The following EHMT2 variants were observed in gnomAD, a reference collection of about 807,000 sequenced individuals.
EHMT2 encodes the protein euchromatic histone lysine methyltransferase 2.
A neutral mutation model predicts 143.3 loss-of-function variants in EHMT2; 59 were observed. That is an observed-to-expected ratio of 0.41 (90% CI 0.33 to 0.51). EHMT2 has a LOEUF of 0.51. Among genes scored for constraint, EHMT2 ranks in the 20% least tolerant of loss-of-function variants. EHMT2 has a pLI of 0.18. For synonymous variants in EHMT2, 604 were observed against 651.5 expected (o/e 0.93, Z 1.11); for missense variants, 1,174 against 1,645.9 (o/e 0.71, Z 4.96).
rs757464609 is a variant in EHMT2, at chr6:31,888,489, G to A, written c.1383C>T (p.Ala461=). The change falls in exon 12 of 28, where the codon GCC becomes GCT. Residue 461 remains alanine (A), a synonymous_variant. Transcript: ENST00000375537. The surrounding 1 kb of genome is among the most constrained non-coding windows in gnomAD (Gnocchi z 7.4). Reference sequence around the variant, plus strand: ...TCATGGTCTCCCGCTTGAGGATGGCGGCATTGCAGCCTGACAGCTGTGCGC... The same window carrying A: ...TCATGGTCTCCCGCTTGAGGATGGCAGCATTGCAGCCTGACAGCTGTGCGC... The A allele has an allele frequency of 2.5e-5, 40 of 1,612,480 alleles. No homozygotes were observed. The highest frequency in any genetic ancestry group is 9.9e-5 in the South Asian group (9 of 91,002).
Position 31,884,151 on chromosome 6 carries a change from G to A in EHMT2, c.2772-201C>T. 1 of 711,248 alleles carries A rather than the reference G, an allele frequency of 1.4e-6. No homozygotes were observed. 44.1% of individuals were successfully genotyped at this position (711,248 alleles called of 1,614,324 possible). A position where few individuals can be genotyped will look rare whatever the true frequency, so the allele number is the denominator to read the frequency against. Reference sequence around the variant, plus strand: ...TTTAGTATGTCCCAAAAATTACACAGGACATTCTCACACTAAAAAAGTATG... The same window carrying A: ...TTTAGTATGTCCCAAAAATTACACAAGACATTCTCACACTAAAAAAGTATG... On this transcript the variant is annotated intron_variant, in intron 21 of 27. Transcript: ENST00000375537. The surrounding 1 kb of genome is among the most constrained non-coding windows in gnomAD (Gnocchi z 7.3).
In EHMT2 at chr6:31,888,590, C is replaced by T. The variant is rs765560452; in HGVS notation, c.1365+9G>A. ...CCCTGGCACCTCTCCCACCAGCCCA[C>T]GGCCCCACCTCTCCGTCCACACTCT... On this transcript the variant is annotated intron_variant, in intron 11 of 27. Transcript: ENST00000375537. The surrounding 1 kb of genome is among the most constrained non-coding windows in gnomAD (Gnocchi z 7.4). The T allele has an allele frequency of 1.4e-5, 23 of 1,611,382 alleles. No homozygotes were observed. Among genetic ancestry groups the T allele is most frequent in the South Asian group, 3.3e-5 (3 of 90,966 alleles).
In EHMT2 at chr6:31,881,309, G is replaced by T. The variant is rs569512677; in HGVS notation, c.3198-217C>A. On this transcript the variant is annotated intron_variant, in intron 25 of 27. Coordinates refer to ENST00000375537, the Ensembl canonical transcript of EHMT2. The surrounding 1 kb of genome is among the most constrained non-coding windows in gnomAD (Gnocchi z 4.8). Reference sequence around the variant, plus strand: ...CAGTCAGCACAGAGACAGACAACAAGCTCTGTGGTTAAGGGGATTAATGTG... The same window carrying T: ...CAGTCAGCACAGAGACAGACAACAATCTCTGTGGTTAAGGGGATTAATGTG... 1.1e-5 allele frequency: 7 copies of T among 615,962 alleles called. No homozygotes were observed. In the Admixed American group the frequency reaches 1.3e-4, roughly 12 times the overall value. 38.2% of individuals were successfully genotyped at this position (615,962 alleles called of 1,614,324 possible).
intron 4 of EHMT2, chr6:31,893,509 TAGAGA>T (rs1009709699): frequency 6.2e-6 from 2 of 323,542 alleles, no homozygotes; most frequent in Middle Eastern, 1.1e-3. Context: ...TTTTTTTTGG[TAGAGA>T]AGAGGTCTTG....
At chr6:31,896,577 C>T in intron 3 of EHMT2, 29 bp downstream of exon 3, 1 of 1,590,908 alleles carries the variant, frequency 6.3e-7, no homozygotes, top group Non-Finnish European at 8.6e-7. Flanking sequence ...AAATTTCCCA[C>T]CAACCCCCCA....
In EHMT2 at chr6:31,884,668, CCG is replaced by C; in HGVS notation, c.2578_2579del (p.Arg860GlyfsTer5). The C allele has an allele frequency of 6.3e-7, 1 of 1,580,884 alleles. No individual in the cohort carries two copies. The highest frequency in any genetic ancestry group is 8.6e-7 in the Non-Finnish European group (1 of 1,160,000). On this transcript the variant is annotated frameshift_variant, in exon 20 of 28. Transcript: ENST00000375537. LOFTEE classifies it high-confidence loss of function. The surrounding 1 kb of genome is among the most constrained non-coding windows in gnomAD (Gnocchi z 7.3). ...ACAGCACGCAGTCATGGTAGCTCTCCCGAGCTGCGATGTGCAGGGGGGTGTCC... is the reference window on the plus strand; with the variant it reads ...ACAGCACGCAGTCATGGTAGCTCTCCAGCTGCGATGTGCAGGGGGGTGTCC...
Position 31,889,417 on chromosome 6 carries a change from C to G in EHMT2, c.999+51G>C. ...CCCCAACACCTTCAGGACCAGACCT[C>G]CAGCCCCATAGTCTCCCACTCCTCT... On this transcript the variant is annotated intron_variant, in intron 8 of 27. Transcript: ENST00000375537. The surrounding 1 kb of genome is among the most constrained non-coding windows in gnomAD (Gnocchi z 5.1). 2 of 1,608,884 alleles carry G rather than the reference C, an allele frequency of 1.2e-6. No individual in the cohort carries two copies. Among genetic ancestry groups the G allele is most frequent in the Non-Finnish European group, 1.7e-6 (2 of 1,177,704 alleles).
chr6:31,897,464 C>A (rs1766710144), intron 1 of EHMT2, among the ~76,000 whole-genome samples, 172 bp downstream of exon 1: 1 of 150,374 alleles, frequency 6.7e-6, no homozygotes, highest in African/African-American at 2.4e-5. Context: ...CCACTCCCCC[C>A]ACCTCCCACA....
In EHMT2 at chr6:31,892,479, C is replaced by T. The variant is rs151312506; in HGVS notation, c.792G>A (p.Thr264=). The change falls in exon 7 of 28, where the codon ACG becomes ACA. Residue 264 remains threonine, a synonymous_variant. Transcript: ENST00000375537. ...AGAGACTGAAGTCATCACCCACCAC[C>T]GTCTCCCACTCCTCCAGGGACCCGG... 1.2e-3 allele frequency: 1,950 copies of T among 1,613,000 alleles called. 23 individuals are homozygous for T. In the African/African-American group the frequency reaches 0.02, roughly 17 times the overall value.
rs1764067570 is a variant in EHMT2 at position 31,881,254 on chromosome 6, C to G, written c.3198-162G>C. Reference sequence around the variant, plus strand: ...CAGCAGTGGTGGGCAAGTGAAAGGGCAGCATTCCAGCCTTGACAGAGGAAG... The same window carrying G: ...CAGCAGTGGTGGGCAAGTGAAAGGGGAGCATTCCAGCCTTGACAGAGGAAG... On this transcript the variant is annotated intron_variant, in intron 25 of 27. Transcript: ENST00000375537. The surrounding 1 kb of genome is among the most constrained non-coding windows in gnomAD (Gnocchi z 4.8). 1.5e-6 allele frequency: 1 copy of G among 677,950 alleles called. No homozygotes were observed. Among genetic ancestry groups the G allele is most frequent in the African/African-American group, 1.8e-5 (1 of 56,682 alleles). The allele number at this position is 677,950 out of a possible 1,614,324, so 42.0% of individuals were successfully genotyped here. A position where few individuals can be genotyped will look rare whatever the true frequency, so the allele number is the denominator to read the frequency against.
chr6:31,880,946 C>G lies in EHMT2; in HGVS notation c.3276+68G>C. On this transcript the variant is annotated intron_variant, in intron 26 of 27. Transcript: ENST00000375537. The surrounding 1 kb of genome is among the most constrained non-coding windows in gnomAD (Gnocchi z 6.6). The stretch of plus-strand genomic sequence containing the variant: ...TCCCTCCTCCCCAGGTTTCCATTTG[C>G]TGACTTCCCAGAGGCTCCTGAAAGC... The G allele has an allele frequency of 6.2e-7, 1 of 1,609,340 alleles. No homozygotes were observed. Among genetic ancestry groups the G allele is most frequent in the Non-Finnish European group, 8.5e-7 (1 of 1,176,896 alleles).
At position 31,888,090 on chromosome 6, in the gene EHMT2, G is replaced by A; in HGVS notation, c.1696C>T (p.Pro566Ser). ...CCGGGGACATCCTGGGACAGGGGTGGGGGTGCAGGAGCTGCAGTGCCGGCC... is the reference window on the plus strand; with the variant it reads ...CCGGGGACATCCTGGGACAGGGGTGAGGGTGCAGGAGCTGCAGTGCCGGCC... Residue 566 changes from proline to serine, a missense_variant, in exon 13 of 28, where the codon CCA (proline) becomes TCA (serine). This residue lies in a region of EHMT2 where 608 missense variants were observed against 903.7 expected (regional missense o/e 0.67). Coordinates refer to ENST00000375537, the Ensembl canonical transcript of EHMT2. This position sits in a 1 kb window ranked among gnomAD's most constrained non-coding sequence, Gnocchi z 7.4. The A allele has an allele frequency of 6.2e-7, 1 of 1,608,696 alleles. No homozygotes were observed. Among genetic ancestry groups the A allele is most frequent in the Non-Finnish European group, 8.5e-7 (1 of 1,177,958 alleles).
In EHMT2 at chr6:31,880,023, T is replaced by G; in HGVS notation, c.*61A>C. Reference sequence around the variant, plus strand: ...CCAGGCATGGGCTGCGAGCAGCTGGTGGCAGAGGAGGCGGCTGAGCTGTGG... The same window carrying G: ...CCAGGCATGGGCTGCGAGCAGCTGGGGGCAGAGGAGGCGGCTGAGCTGTGG... On this transcript the variant is annotated 3_prime_UTR_variant, in exon 28 of 28. Coordinates refer to ENST00000375537, the Ensembl canonical transcript of EHMT2. This position sits in a 1 kb window ranked among gnomAD's most constrained non-coding sequence, Gnocchi z 6.6. 6.4e-7 allele frequency: 1 copy of G among 1,567,816 alleles called. No individual in the cohort carries two copies. The highest frequency in any genetic ancestry group is 1.1e-5 in the South Asian group (1 of 88,248).
exon 1 of EHMT2, chr6:31,897,677 T>A: frequency 8.8e-7 from 1 of 1,133,268 alleles, no homozygotes; most frequent in Non-Finnish European, 1.1e-6. Context: ...GCCGCCGCCA[T>A]CGCCGCTTGC....
intron 25 of EHMT2, 120 bp downstream of exon 25, chr6:31,882,579 A>T: frequency 1.0e-6 from 1 of 991,738 alleles, no homozygotes; most frequent in Admixed American, 2.1e-5. Context: ...GGCTGGCTGG[A>T]GAGTGGCCAG....
chr6:31,895,012 T>C (rs1766197200), intron 4 of EHMT2, among the ~76,000 whole-genome samples: 1 of 152,248 alleles, frequency 6.6e-6, no homozygotes, highest in Non-Finnish European at 1.5e-5. Context: ...AATTTATAAA[T>C]TCAATTTTCC....
Position 31,884,717 on chromosome 6 carries a change from AG to A in EHMT2, c.2530del (p.Leu844SerfsTer47). The A allele has an allele frequency of 6.3e-7, 1 of 1,594,898 alleles. No homozygotes were observed. The highest frequency in any genetic ancestry group is 8.5e-7 in the Non-Finnish European group (1 of 1,169,664). ...GTCCCCATGGTAGTTGACAGCATGG[AG>A]GTCACAGCGCGCATTCAGAAGGACT... On this transcript the variant is annotated frameshift_variant, in exon 20 of 28. Coordinates refer to ENST00000375537, the Ensembl canonical transcript of EHMT2. LOFTEE classifies it high-confidence loss of function. This position sits in a 1 kb window ranked among gnomAD's most constrained non-coding sequence, Gnocchi z 7.3.
exon 3 of EHMT2, chr6:31,896,792 C>T: frequency 1.9e-6 from 3 of 1,613,062 alleles, no homozygotes; most frequent in Non-Finnish European, 2.5e-6. Flanking sequence ...AGGGTTTCTT[C>T]ACTACGAGGG....
chr6:31,888,882 G>T lies in EHMT2; in HGVS notation c.1216+87C>A. 7.2e-7 allele frequency: 1 copy of T among 1,387,030 alleles called. No individual in the cohort carries two copies. The highest frequency in any genetic ancestry group is 9.7e-7 in the Non-Finnish European group (1 of 1,025,868). The allele number at this position is 1,387,030 out of a possible 1,614,324, so 85.9% of individuals were successfully genotyped here. On this transcript the variant is annotated intron_variant, in intron 10 of 27. Transcript: ENST00000375537. This position sits in a 1 kb window ranked among gnomAD's most constrained non-coding sequence, Gnocchi z 7.4. ...CCTAAAGCCTGGCCATGGACACCCC[G>T]GCTCTGGCGTGGTTCCCCTCCTTCC...
Sources: gnomAD v4.1 joint callset for allele counts (sites outside exome capture counted in the v4.1 genomes callset) on GRCh38, gnomAD v4.1.1 for gene constraint, gnomAD v4.1.1 regional missense constraint, Gnocchi (gnomAD v3.1) non-coding constraint, MANE v1.5 for transcripts, NCBI Gene and HGNC (gene_info 2026-07-23, HGNC 2026-07-21) for gene names.